Variants in FHIT observed in about 807,000 individuals in gnomAD.
The protein encoded by FHIT is fragile histidine triad diadenosine triphosphatase.
A neutral mutation model predicts 17.9 loss-of-function variants in FHIT; 19 were observed. The observed-to-expected ratio is 1.06, with a 90% CI of 0.74 to 1.56. FHIT has a LOEUF of 1.56. Among genes scored for constraint, FHIT ranks in the 40% most tolerant of loss-of-function variants. The pLI is 0.00. For missense variants in FHIT, 248 were observed against 189.2 expected (o/e 1.31, Z -1.82); for synonymous variants, 81 against 69.7 (o/e 1.16, Z -0.81).
intron 3 of FHIT, among the ~76,000 whole-genome samples, chr3:60,942,662 G>A (rs1038557077): frequency 1.3e-5 from 2 of 151,696 alleles, no homozygotes; most frequent in Non-Finnish European, 2.9e-5. Flanking sequence ...TTTTTGCTCG[G>A]TTGATCTTCT....
At position 60,860,407 on chromosome 3, in the gene FHIT, T is replaced by C. The variant is rs903216449; in HGVS notation, c.-110-38396A>G. Among the ~76,000 whole-genome samples, 3 of 140,472 alleles carry C rather than the reference T, an allele frequency of 2.1e-5. 1 individual carries two copies. In the Admixed American group the frequency reaches 2.2e-4, roughly 10 times the overall value. The allele number at this position is 140,472 out of a possible 152,430, so 92.2% of individuals were successfully genotyped here. ...ACATACATCATATGTATATATGACATACATCATATGTATATATGATACATA... is the reference window on the plus strand; with the variant it reads ...ACATACATCATATGTATATATGACACACATCATATGTATATATGATACATA... On this transcript the variant is annotated intron_variant, in intron 3 of 9. Transcript: ENST00000492590.
intron 3 of FHIT, among the ~76,000 whole-genome samples, chr3:61,017,918 G>A (rs1438398949): frequency 6.6e-6 from 1 of 152,066 alleles, no homozygotes; most frequent in Non-Finnish European, 1.5e-5. Context: ...TCAAAGTTGG[G>A]CAGCCCTACC....
chr3:60,246,221 A>T (rs1048310411), intron 5 of FHIT, among the ~76,000 whole-genome samples: 5 of 152,138 alleles, frequency 3.3e-5, no homozygotes, highest in Non-Finnish European at 7.4e-5. Flanking sequence ...AATTCTTTTT[A>T]GAACAGTTAT....
At chr3:61,223,724 T>C (rs2039897136) in intron 1 of FHIT, among the ~76,000 whole-genome samples, 1 of 152,216 alleles carries the variant, frequency 6.6e-6, no homozygotes, top group African/African-American at 2.4e-5. Flanking sequence ...AGGGGCATTG[T>C]CAATATGATG....
At chr3:61,249,002 G>A (rs994761680) in intron 1 of FHIT, among the ~76,000 whole-genome samples, 9 of 152,194 alleles carry the variant, frequency 5.9e-5, no homozygotes, top group African/African-American at 1.4e-4. Flanking sequence ...CACCTTAAGA[G>A]AGATGACCAT....
intron 5 of FHIT, among the ~76,000 whole-genome samples, chr3:60,402,792 C>G (rs1701713040): frequency 1.3e-5 from 2 of 152,170 alleles, no homozygotes; most frequent in African/African-American, 2.4e-5. Context: ...GAATATCAGT[C>G]ACTGTATAGT....
chr3:60,195,656 A>G (rs1204133038), intron 5 of FHIT, among the ~76,000 whole-genome samples: 2 of 147,596 alleles, frequency 1.4e-5, no homozygotes, highest in Non-Finnish European at 3.0e-5. Flanking sequence ...ATATATATAC[A>G]CACATATATA....
chr3:59,851,449 GAGA>G (rs1296187668), intron 8 of FHIT, among the ~76,000 whole-genome samples: 1 of 152,148 alleles, frequency 6.6e-6, no homozygotes, highest in Non-Finnish European at 1.5e-5. Context: ...CAATTTAACA[GAGA>G]AGAAGGCAAA....
Position 60,776,649 on chromosome 3 carries a change from C to T in FHIT, c.-18+45270G>A, listed in dbSNP as rs558336775. On this transcript the variant is annotated intron_variant, in intron 4 of 9. Coordinates refer to ENST00000492590, the MANE Select transcript of FHIT (RefSeq NM_002012.4). ...CCGCACCCTTAACTAAGAAGGCAAA[C>T]CTTGGCTGCAGTTAGCACACAATTA... 6.6e-5 allele frequency among the ~76,000 whole-genome samples: 10 copies of T among 152,260 alleles called. No individual in the cohort carries two copies. The South Asian group carries it at 2.1e-3, about 32-fold the overall frequency.
At chr3:60,890,392 C>G (rs1208607336) in intron 3 of FHIT, among the ~76,000 whole-genome samples, 2 of 152,172 alleles carry the variant, frequency 1.3e-5, no homozygotes, top group African/African-American at 4.8e-5. Context: ...ATTGACCCAG[C>G]CTACACCAAA....
chr3:60,257,239 G>T (rs1432196244), intron 5 of FHIT, among the ~76,000 whole-genome samples: 1 of 152,150 alleles, frequency 6.6e-6, no homozygotes, highest in Non-Finnish European at 1.5e-5. Flanking sequence ...ACCTATTGCT[G>T]AAAATGTTCT....
At chr3:59,856,546 G>A (rs1043058719) in intron 8 of FHIT, among the ~76,000 whole-genome samples, 2 of 152,156 alleles carry the variant, frequency 1.3e-5, no homozygotes, top group Non-Finnish European at 2.9e-5. Flanking sequence ...GAATATAGAT[G>A]CAGACCATTC....
At chr3:59,787,645 T>C (rs1311870719) in intron 8 of FHIT, among the ~76,000 whole-genome samples, 1 of 152,182 alleles carries the variant, frequency 6.6e-6, no homozygotes, top group Admixed American at 6.6e-5. Flanking sequence ...GAGATGATAA[T>C]AGTTACCATG....
intron 5 of FHIT, among the ~76,000 whole-genome samples, chr3:60,525,583 T>C (rs2035542680): frequency 6.6e-6 from 1 of 152,216 alleles, no homozygotes; most frequent in Non-Finnish European, 1.5e-5. Context: ...TCTGGCTCTT[T>C]AATAATATCT....
intron 5 of FHIT, among the ~76,000 whole-genome samples, chr3:60,228,639 A>G (rs1472369): frequency 0.24 from 36,737 of 152,060 alleles, 4,551 homozygotes; most frequent in African/African-American, 0.28. Context: ...ATACCTCACA[A>G]GGAAATTAGA....
intron 8 of FHIT, among the ~76,000 whole-genome samples, chr3:59,771,384 T>C (rs1559590780): frequency 6.6e-6 from 1 of 152,128 alleles, no homozygotes; most frequent in Non-Finnish European, 1.5e-5. Context: ...TAATAATTTT[T>C]AAAAAAGACA....
intron 5 of FHIT, among the ~76,000 whole-genome samples, chr3:60,234,070 T>C (rs549543725): frequency 1.6e-4 from 24 of 152,288 alleles, no homozygotes; most frequent in African/African-American, 4.8e-4. Context: ...TCTGAGATCA[T>C]TGGGACCTTG....
At chr3:60,347,700 G>C (rs1415664010) in intron 5 of FHIT, among the ~76,000 whole-genome samples, 1 of 84,458 alleles carries the variant, frequency 1.2e-5, no homozygotes, top group East Asian at 3.9e-4. Context: ...TTTGTTTTTT[G>C]TTTTGTTTTG....
intron 5 of FHIT, among the ~76,000 whole-genome samples, chr3:60,501,281 G>A (rs9881669): frequency 0.18 from 27,084 of 151,112 alleles, 2,579 homozygotes; most frequent in Middle Eastern, 0.24. Flanking sequence ...CTCGTTGTAG[G>A]TAGCCACTAT....
Sources: gnomAD v4.1 joint callset for allele counts (sites outside exome capture counted in the v4.1 genomes callset) on GRCh38, gnomAD v4.1.1 for gene constraint, MANE v1.5 for transcripts, NCBI Gene and HGNC (gene_info 2026-07-23, HGNC 2026-07-21) for gene names.